Variants in PHLPP1 observed in about 807,000 individuals in gnomAD.
PHLPP1 encodes PH domain leucine-rich repeat-containing protein phosphatase 1.
A neutral mutation model predicts 117.2 loss-of-function variants in PHLPP1; 42 were observed. The observed-to-expected ratio is 0.36, with a 90% CI of 0.28 to 0.46. The LOEUF is 0.46. Among genes scored for constraint, PHLPP1 ranks in the 20% least tolerant of loss-of-function variants. The pLI is 1.00. For missense variants in PHLPP1, 2,084 were observed against 2,241.9 expected (o/e 0.93, Z 1.42); for synonymous variants, 1,042 against 970.7 (o/e 1.07, Z -1.37).
chr18:62,924,684 A>C lies in PHLPP1; in HGVS notation c.2960+4570A>C, dbSNP rs1345503033. 3.4e-5 allele frequency among the ~76,000 whole-genome samples: 5 copies of C among 147,638 alleles called. No individual in the cohort carries two copies. In the Admixed American group the frequency reaches 3.4e-4, roughly 10 times the overall value. On this transcript the variant is annotated intron_variant, in intron 10 of 16. Transcript: ENST00000262719. ...CCCTGTCACTACAAATTGAAAAAAA[A>C]AAAAAAAAAAAAAAAGTCAGGTGTG... is the stretch of plus-strand genomic sequence containing the variant.
At chr18:62,789,553 T>C (rs1469794370) in intron 1 of PHLPP1, among the ~76,000 whole-genome samples, 2 of 152,092 alleles carry the variant, frequency 1.3e-5, no homozygotes, top group African/African-American at 4.8e-5. Flanking sequence ...ATGGTGTAGG[T>C]GCAGTAGGGG....
At chr18:62,822,288 T>TG (rs1568128094) in intron 1 of PHLPP1, among the ~76,000 whole-genome samples, 2 of 143,718 alleles carry the variant, frequency 1.4e-5, no homozygotes, top group East Asian at 2.0e-4. Flanking sequence ...TTGTTTTTGT[T>TG]TTTTTTTTTT....
intron 10 of PHLPP1, among the ~76,000 whole-genome samples, chr18:62,940,643 C>T (rs537350136): frequency 4.6e-5 from 7 of 152,222 alleles, no homozygotes; most frequent in Non-Finnish European, 7.4e-5. Context: ...GGATTACAGG[C>T]GTGAGCCACC....
At chr18:62,829,527 G>A (rs866369975) in intron 1 of PHLPP1, among the ~76,000 whole-genome samples, 4 of 152,120 alleles carry the variant, frequency 2.6e-5, no homozygotes, top group Non-Finnish European at 4.4e-5. Context: ...TGAGGCGGGC[G>A]GATCACCTGA....
intron 4 of PHLPP1, among the ~76,000 whole-genome samples, chr18:62,877,150 C>T (rs998241935): frequency 7.9e-5 from 12 of 152,184 alleles, no homozygotes; most frequent in Non-Finnish European, 1.2e-4. Flanking sequence ...GACCTTATTT[C>T]CTATTCTGCT....
At position 62,716,644 on chromosome 18, in the gene PHLPP1, T is replaced by A; in HGVS notation, c.961T>A (p.Ser321Thr). ...GTCGCGCCGCGCCAGCCCAGCGCCC[T>A]CGGACTCCAGCCCCGGCGAGCCGTT... The part of the protein sequence containing the change: ...GWSRRASPAP[S>T]DSSPGEPFVG... The change falls in exon 1 of 17, where the codon TCG (serine) becomes ACG (threonine). Residue 321 changes from serine (S) to threonine (T), a missense_variant. Physicochemically the swap from Ser to Thr is moderately conservative, Grantham distance 58. Coordinates refer to ENST00000262719, the MANE Select transcript of PHLPP1 (RefSeq NM_194449.4). This position sits in a 1 kb window ranked among gnomAD's most constrained non-coding sequence, Gnocchi z 5.7. The A allele has an allele frequency of 7.1e-7, 1 of 1,404,852 alleles. No homozygotes were observed. The highest frequency in any genetic ancestry group is 3.1e-5 in the East Asian group (1 of 32,752). The allele number at this position is 1,404,852 out of a possible 1,614,324, so 87.0% of individuals were successfully genotyped here.
rs10538704 is a variant in PHLPP1 at position 62,916,747 on chromosome 18, C to CTTTTTTTTTTTTTTT, written c.2804+1749_2804+1763dup. Among the ~76,000 whole-genome samples, 5 of 71,090 alleles carry CTTTTTTTTTTTTTTT rather than the reference C, an allele frequency of 7.0e-5. 1 individual carries two copies. Among genetic ancestry groups the CTTTTTTTTTTTTTTT allele is most frequent in the African/African-American group, 2.4e-4 (4 of 16,784 alleles). The allele number at this position is 71,090 out of a possible 152,430, so 46.6% of individuals were successfully genotyped here. ...TTCTTCTATTTTCTTTCCTTCTATT[C>CTTTTTTTTTTTTTTT]TTTTTTTTTTTTTTTTTTTTTTTTG... On this transcript the variant is annotated intron_variant, in intron 9 of 16. Transcript: ENST00000262719.
chr18:62,854,693 C>CTTT (rs5825495), intron 3 of PHLPP1, among the ~76,000 whole-genome samples: 1 of 85,010 alleles, frequency 1.2e-5, no homozygotes, highest in African/African-American at 4.4e-5. Flanking sequence ...GATCCTGCTA[C>CTTT]TTTTTTTTTT....
intron 2 of PHLPP1, among the ~76,000 whole-genome samples, chr18:62,831,084 ATTTCT>A (rs1301880603): frequency 6.6e-6 from 1 of 152,024 alleles, no homozygotes; most frequent in Non-Finnish European, 1.5e-5. Context: ...GACATTACTG[ATTTCT>A]TTGCTTTGGG....
intron 4 of PHLPP1, among the ~76,000 whole-genome samples, chr18:62,870,884 T>C (rs530632607): frequency 6.6e-6 from 1 of 152,352 alleles, no homozygotes; most frequent in East Asian, 1.9e-4. Flanking sequence ...TTTTCCTTTA[T>C]TGGCATTGGA....
intron 1 of PHLPP1, among the ~76,000 whole-genome samples, chr18:62,828,178 TCTTA>T (rs1187222135): frequency 6.6e-6 from 1 of 152,168 alleles, no homozygotes; most frequent in Non-Finnish European, 1.5e-5. Context: ...TTTTCTTCTC[TCTTA>T]CTTCTTCCCC....
At position 62,716,740 on chromosome 18, in the gene PHLPP1, A is replaced by G; in HGVS notation, c.1057A>G (p.Ser353Gly). ...VVSDTESFSL[S>G]PSAESVSDRL... ...CTCCGACACCGAGAGCTTCAGTCTG[A>G]GTCCCAGCGCCGAGAGCGTGTCTGA... The change falls in exon 1 of 17, where the codon AGT becomes GGT. Residue 353 changes from serine (S) to glycine (G), a missense_variant. Coordinates refer to ENST00000262719, the MANE Select transcript of PHLPP1 (RefSeq NM_194449.4). The surrounding 1 kb of genome is among the most constrained non-coding windows in gnomAD (Gnocchi z 5.7). The G allele has an allele frequency of 6.6e-7, 1 of 1,513,710 alleles. No individual in the cohort carries two copies. The allele number at this position is 1,513,710 out of a possible 1,614,324, so 93.8% of individuals were successfully genotyped here.
chr18:62,836,070 C>T (rs1424562673), intron 2 of PHLPP1, among the ~76,000 whole-genome samples: 3 of 151,776 alleles, frequency 2.0e-5, no homozygotes, highest in Non-Finnish European at 4.4e-5. Flanking sequence ...GGTGAGCCAC[C>T]GTGCCCGGCC....
At chr18:62,717,596 C>G (rs1331958532) in intron 1 of PHLPP1, among the ~76,000 whole-genome samples, 1 of 152,078 alleles carries the variant, frequency 6.6e-6, no homozygotes, top group East Asian at 1.9e-4. Flanking sequence ...GGGTTTCAGG[C>G]AGTTTGGGAT....
chr18:62,790,658 A>G (rs1001196725), intron 1 of PHLPP1, among the ~76,000 whole-genome samples: 3 of 152,168 alleles, frequency 2.0e-5, no homozygotes, highest in Non-Finnish European at 4.4e-5. Flanking sequence ...TTTAAGTGGA[A>G]CAAATGAAGG....
chr18:62,792,035 A>G (rs2144290693), intron 1 of PHLPP1, among the ~76,000 whole-genome samples: 1 of 152,282 alleles, frequency 6.6e-6, no homozygotes, highest in Non-Finnish European at 1.5e-5. Flanking sequence ...AGATTCCTAT[A>G]ACCAAGCAGA....
At chr18:62,900,348 TAA>T (rs1555680659) in intron 6 of PHLPP1, among the ~76,000 whole-genome samples, 2 of 122,116 alleles carry the variant, frequency 1.6e-5, no homozygotes, top group South Asian at 5.5e-4. Flanking sequence ...AATAAATAAA[TAA>T]AAAGTTTGTC....
chr18:62,953,409 A>G (rs1418022775), intron 12 of PHLPP1, among the ~76,000 whole-genome samples: 2 of 152,096 alleles, frequency 1.3e-5, no homozygotes, highest in African/African-American at 4.8e-5. Context: ...CTCTCTCTAG[A>G]TGTCCACCTG....
At chr18:62,946,652 T>C (rs1367926691) in intron 12 of PHLPP1, among the ~76,000 whole-genome samples, 1 of 152,258 alleles carries the variant, frequency 6.6e-6, no homozygotes, top group Non-Finnish European at 1.5e-5. Flanking sequence ...TGTGTGTGTG[T>C]GTGCGCACGC....
Sources: allele counts gnomAD v4.1 joint callset (sites outside exome capture counted in the v4.1 genomes callset), GRCh38; gene constraint gnomAD v4.1.1; non-coding constraint Gnocchi (gnomAD v3.1); transcripts MANE v1.5; gene names NCBI Gene and HGNC (gene_info 2026-07-23, HGNC 2026-07-21).